The following AGBL4 variants were observed in gnomAD, a reference collection of about 807,000 sequenced individuals.
The protein encoded by AGBL4 is cytosolic carboxypeptidase 6.
In AGBL4, 58 loss-of-function variants were observed where a neutral mutation model predicts 66.4. That is an observed-to-expected ratio of 0.87 (90% CI 0.71 to 1.09). The LOEUF (loss-of-function observed/expected upper bound fraction) is 1.09, where lower values mean the gene tolerates loss of function less well. AGBL4 is among the 50% of genes least tolerant of loss of function. The pLI is 0.00. For missense variants in AGBL4, 579 were observed against 631.0 expected, an observed-to-expected ratio of 0.92 and a Z score of 0.88; for synonymous variants, 234 against 222.9, an observed-to-expected ratio of 1.05 and a Z score of -0.44.
intron 7 of AGBL4, among the ~76,000 whole-genome samples, chr1:48,654,989 G>A (rs1645997143): frequency 6.6e-6 from 1 of 152,216 alleles, no homozygotes; most frequent in Admixed American, 6.5e-5. Flanking sequence ...CCAGCTCCCG[G>A]GGCGGCCCTC....
chr1:49,717,183 C>T (rs750706615), intron 2 of AGBL4, among the ~76,000 whole-genome samples: 50 of 151,636 alleles, frequency 3.3e-4, no homozygotes, highest in Non-Finnish European at 6.9e-4. Flanking sequence ...CACAACTGCA[C>T]CACTGCTCAA....
chr1:49,205,362 A>G (rs775935163), intron 4 of AGBL4, among the ~76,000 whole-genome samples: 3 of 152,028 alleles, frequency 2.0e-5, no homozygotes. Context: ...TTTAGCTGCT[A>G]TTGATTCTCA....
intron 5 of AGBL4, among the ~76,000 whole-genome samples, chr1:48,920,993 A>G (rs905214376): frequency 1.1e-4 from 17 of 152,302 alleles, no homozygotes; most frequent in Middle Eastern, 3.4e-3. Flanking sequence ...GCTTAATTCT[A>G]TTGATTACAC....
At chr1:49,722,222 G>A (rs896109590) in intron 2 of AGBL4, among the ~76,000 whole-genome samples, 1 of 152,108 alleles carries the variant, frequency 6.6e-6, no homozygotes, top group Non-Finnish European at 1.5e-5. Context: ...TGCCAGTAAC[G>A]TATTGTGATC....
chr1:49,575,234 A>C (rs12066927), intron 3 of AGBL4, among the ~76,000 whole-genome samples: 3,060 of 152,280 alleles, frequency 0.02, 119 homozygotes, highest in African/African-American at 0.07. Context: ...GTAGGGGCTT[A>C]TGGAGGTCAC....
intron 3 of AGBL4, among the ~76,000 whole-genome samples, chr1:49,493,752 G>A (rs544105963): frequency 1.3e-5 from 2 of 152,036 alleles, no homozygotes; most frequent in East Asian, 3.9e-4. Context: ...GTCTTCATGA[G>A]TTTTGAATTG....
rs898233080 is a variant in AGBL4 at position 48,533,089 on chromosome 1, G to C, written c.*1084C>G. The C allele has an allele frequency of 2.0e-5, 3 of 152,208 alleles. No individual in the cohort carries two copies. Among genetic ancestry groups the C allele is most frequent in the African/African-American group, 7.2e-5 (3 of 41,382 alleles). 9.4% of individuals were successfully genotyped at this position (152,208 alleles called of 1,614,324 possible). ...ACAAAAAATGCTTTAGTGGAGCTCT[G>C]TGCTAAGGGATTTTCCTCCCTGGAG... On this transcript the variant is annotated 3_prime_UTR_variant, in exon 14 of 14. Transcript: ENST00000371839.
At chr1:49,170,660 A>T (rs937027219) in intron 4 of AGBL4, among the ~76,000 whole-genome samples, 2 of 150,036 alleles carry the variant, frequency 1.3e-5, no homozygotes, top group African/African-American at 4.9e-5. Flanking sequence ...TAAACTATAT[A>T]TGTTTTAAAT....
chr1:49,067,145 G>A (rs140185080), intron 4 of AGBL4, among the ~76,000 whole-genome samples: 2 of 152,254 alleles, frequency 1.3e-5, no homozygotes, highest in East Asian at 3.9e-4. Context: ...TGGGCAGGAG[G>A]GTCGGGTGTT....
chr1:49,744,018 A>C (rs1488779337), intron 2 of AGBL4, among the ~76,000 whole-genome samples: 2 of 152,102 alleles, frequency 1.3e-5, no homozygotes, highest in African/African-American at 4.8e-5. Context: ...ACAAATCTGC[A>C]CGTTGTGCAC....
chr1:48,594,041 T>G (rs1476128361), intron 9 of AGBL4, among the ~76,000 whole-genome samples: 1 of 152,108 alleles, frequency 6.6e-6, no homozygotes, highest in Non-Finnish European at 1.5e-5. Context: ...AAAGATGATT[T>G]GCAGCCGGGC....
chr1:48,617,964 G>A (rs572545299), intron 9 of AGBL4, among the ~76,000 whole-genome samples: 2 of 152,156 alleles, frequency 1.3e-5, no homozygotes, highest in Admixed American at 1.3e-4. Context: ...CTTATCAGTG[G>A]GTGTGCTCAC....
At chr1:49,758,024 C>A (rs934680568) in intron 2 of AGBL4, among the ~76,000 whole-genome samples, 2 of 152,124 alleles carry the variant, frequency 1.3e-5, no homozygotes, top group Non-Finnish European at 2.9e-5. Context: ...CAGGGCAATC[C>A]CCAGCTCTGT....
intron 2 of AGBL4, among the ~76,000 whole-genome samples, chr1:49,819,882 T>A (rs1645324272): frequency 6.6e-6 from 1 of 152,162 alleles, no homozygotes; most frequent in Non-Finnish European, 1.5e-5. Context: ...AAAAACGTCC[T>A]ATACTTTGGG....
rs531313566 is a variant in AGBL4, at chr1:49,812,429, T to C, written c.157+38967A>G. Among the ~76,000 whole-genome samples the C allele has an allele frequency of 1.1e-4, 16 of 152,236 alleles. 1 individual carries two copies. In the South Asian group the frequency reaches 3.1e-3, roughly 30 times the overall value. On this transcript the variant is annotated intron_variant, in intron 2 of 13. Transcript: ENST00000371839. ...ATGGACTTGTAGATTTGGAGACAGATAGATGTTATACTTTGATGACATACT... is the reference window on the plus strand; with the variant it reads ...ATGGACTTGTAGATTTGGAGACAGACAGATGTTATACTTTGATGACATACT...
intron 6 of AGBL4, among the ~76,000 whole-genome samples, chr1:48,711,636 T>C (rs1434216336): frequency 6.6e-6 from 1 of 152,128 alleles, no homozygotes; most frequent in Non-Finnish European, 1.5e-5. Context: ...GGGTCGAGTA[T>C]GGAACCAACC....
rs1412403796 is a variant in AGBL4 at position 48,539,668 on chromosome 1, C to A, written c.1338G>T (p.Lys446Asn). The change falls in exon 12 of 14, where the codon AAG becomes AAT. Residue 446 changes from lysine to asparagine, a missense_variant. Physicochemically the swap from Lys to Asn is moderately conservative, Grantham distance 94 (BLOSUM62 0). Coordinates refer to ENST00000371839, the MANE Select transcript of AGBL4 (RefSeq NM_032785.4). ...DYYRLNPVVE[K>N]VAIPMPRLRN... is the part of the protein sequence containing the mutation. Reference sequence around the variant, plus strand: ...GCAGTCTCGGCATGGGAATTGCCACCTTTTCAACCACGGGGTTCAGCCGAT... The same window carrying A: ...GCAGTCTCGGCATGGGAATTGCCACATTTTCAACCACGGGGTTCAGCCGAT... 1.3e-6 allele frequency: 2 copies of A among 1,543,754 alleles called. No individual in the cohort carries two copies. Among genetic ancestry groups the A allele is most frequent in the Non-Finnish European group, 8.8e-7 (1 of 1,142,282 alleles).
rs530596086 is a variant in AGBL4 at position 49,255,369 on chromosome 1, C to T, written c.283-9505G>A. 1.2e-3 allele frequency among the ~76,000 whole-genome samples: 186 copies of T among 152,222 alleles called. 1 individual carries two copies. Among genetic ancestry groups the T allele is most frequent in the African/African-American group, 4.2e-3 (173 of 41,554 alleles). On this transcript the variant is annotated intron_variant, in intron 3 of 13. Coordinates refer to ENST00000371839, the MANE Select transcript of AGBL4 (RefSeq NM_032785.4). ...AAAGCGGGCAAAAGACAAGATTACACGCTTTTCAAAAGAAGACATACATGT... is the reference window on the plus strand; with the variant it reads ...AAAGCGGGCAAAAGACAAGATTACATGCTTTTCAAAAGAAGACATACATGT...
chr1:49,816,218 C>T (rs1645227373), intron 2 of AGBL4, among the ~76,000 whole-genome samples: 1 of 152,102 alleles, frequency 6.6e-6, no homozygotes, highest in Non-Finnish European at 1.5e-5. Flanking sequence ...ACTAGTACTA[C>T]TTTACAGATA....
Sources: allele counts gnomAD v4.1 joint callset (sites outside exome capture counted in the v4.1 genomes callset), GRCh38; gene constraint gnomAD v4.1.1; transcripts MANE v1.5; gene names NCBI Gene and HGNC (gene_info 2026-07-23, HGNC 2026-07-21).